Variants in SDK1 observed in about 807,000 individuals in gnomAD.
The protein encoded by SDK1 is sidekick cell adhesion molecule 1.
Under a neutral mutation model 245.5 loss-of-function variants are expected in SDK1, and 157 were observed. The ratio of observed to expected loss-of-function variants is 0.64; its 90% CI spans 0.56 to 0.73. The LOEUF (loss-of-function observed/expected upper bound fraction) is 0.73. Among genes scored for constraint, SDK1 ranks in the 30% least tolerant of loss-of-function variants. The pLI is 0.00. For missense variants in SDK1, 3,583 were observed against 3,002.3 expected (o/e 1.19, Z -4.52); for synonymous variants, 1,647 against 1,278.5 (o/e 1.29, Z -6.15).
At chr7:4,123,916 G>A (rs538902484) in intron 25 of SDK1, among the ~76,000 whole-genome samples, 11 of 152,310 alleles carry the variant, frequency 7.2e-5, no homozygotes, top group East Asian at 3.9e-4. Flanking sequence ...ATCAGGGAGC[G>A]TGCCCCTTCC....
intron 28 of SDK1, among the ~76,000 whole-genome samples, chr7:4,142,390 G>A (rs949164028): frequency 3.9e-5 from 6 of 152,010 alleles, no homozygotes; most frequent in South Asian, 2.1e-4. Flanking sequence ...GTGCAGTGAC[G>A]TGATCTCGGC....
At chr7:3,954,775 G>A (rs1435466500) in intron 7 of SDK1, among the ~76,000 whole-genome samples, 1 of 151,002 alleles carries the variant, frequency 6.6e-6, no homozygotes, top group African/African-American at 2.4e-5. Context: ...CTCATATTGT[G>A]AAGGTTAAAT....
chr7:4,244,538 A>G (rs1393718705), intron 43 of SDK1, among the ~76,000 whole-genome samples: 1 of 152,232 alleles, frequency 6.6e-6, no homozygotes, highest in Non-Finnish European at 1.5e-5. Flanking sequence ...GATAGTCACC[A>G]GGAAGTGGGG....
chr7:4,195,446 C>T (rs923382533), intron 35 of SDK1, among the ~76,000 whole-genome samples: 2 of 152,154 alleles, frequency 1.3e-5, no homozygotes, highest in East Asian at 1.9e-4. Flanking sequence ...CCCTCCCCCA[C>T]GTCACTCTCC....
At chr7:3,490,958 T>A (rs1028696471) in intron 1 of SDK1, among the ~76,000 whole-genome samples, 1 of 152,224 alleles carries the variant, frequency 6.6e-6, no homozygotes, top group Non-Finnish European at 1.5e-5. Context: ...GTAACATTCA[T>A]CCCAATTGCA....
intron 1 of SDK1, among the ~76,000 whole-genome samples, chr7:3,336,829 A>C (rs1780213715): frequency 6.6e-6 from 1 of 152,224 alleles, no homozygotes; most frequent in Admixed American, 6.5e-5. Context: ...ATCTGTCTGC[A>C]ACAAGGCAAT....
At chr7:3,988,345 A>T (rs531820000) in intron 14 of SDK1, among the ~76,000 whole-genome samples, 1 of 151,196 alleles carries the variant, frequency 6.6e-6, no homozygotes, top group African/African-American at 2.4e-5. Flanking sequence ...TCTGCCTCAG[A>T]CCACTGGTAC....
intron 2 of SDK1, among the ~76,000 whole-genome samples, chr7:3,635,388 A>T (rs1334725223): frequency 6.6e-6 from 1 of 152,188 alleles, no homozygotes; most frequent in African/African-American, 2.4e-5. Flanking sequence ...GTGTTGTCCA[A>T]ATGTTTTAGT....
In SDK1 at chr7:4,049,420, C is replaced by G; in HGVS notation, c.2675C>G (p.Pro892Arg). Reference sequence around the variant, plus strand: ...ACCACCATTCAGTTCCTGTGGAACCCTCCGCCTCAGCAGTTTATCAATGGC... The same window carrying G: ...ACCACCATTCAGTTCCTGTGGAACCGTCCGCCTCAGCAGTTTATCAATGGC... ...NSTTIQFLWN[P>R]PPQQFINGIN... Residue 892 changes from proline to arginine, a missense_variant, in exon 18 of 45, where the codon CCT (proline) becomes CGT (arginine). Pro to Arg is a moderately radical substitution (Grantham distance 103). Coordinates refer to ENST00000404826, the MANE Select transcript of SDK1 (RefSeq NM_152744.4). 1 of 1,614,162 alleles carries G rather than the reference C, an allele frequency of 6.2e-7. No individual in the cohort carries two copies. The highest frequency in any genetic ancestry group is 2.2e-5 in the East Asian group (1 of 44,880).
chr7:4,197,450 T>C (rs1012604690), intron 35 of SDK1, among the ~76,000 whole-genome samples: 1 of 152,102 alleles, frequency 6.6e-6, no homozygotes, highest in African/African-American at 2.4e-5. Context: ...ATGGTGCCAC[T>C]GCACTCCAGT....
At chr7:3,345,973 A>G (rs1187462126) in intron 1 of SDK1, among the ~76,000 whole-genome samples, 2 of 152,278 alleles carry the variant, frequency 1.3e-5, no homozygotes, top group African/African-American at 2.4e-5. Flanking sequence ...TTTAAGCATA[A>G]TAATTAAAAC....
intron 1 of SDK1, among the ~76,000 whole-genome samples, chr7:3,370,580 T>C (rs566273410): frequency 1.3e-5 from 2 of 152,322 alleles, no homozygotes; most frequent in South Asian, 2.1e-4. Flanking sequence ...GGGCCCGATA[T>C]ACCGCTTCCA....
chr7:4,155,774 G>C (rs1780691498), intron 30 of SDK1, among the ~76,000 whole-genome samples: 1 of 152,146 alleles, frequency 6.6e-6, no homozygotes. Flanking sequence ...TCCACCCATA[G>C]ATCTGAGCAC....
chr7:3,680,538 G>A lies in SDK1; in HGVS notation c.713+38433G>A, dbSNP rs145487881. On this transcript the variant is annotated intron_variant, in intron 4 of 44. Coordinates refer to ENST00000404826, the MANE Select transcript of SDK1 (RefSeq NM_152744.4). ...CAATGACTATGCAGGTTTTGATATT[G>A]TACCATAGTTACATAAGGTTTTACT... is the stretch of plus-strand genomic sequence containing the variant. 1.4e-4 allele frequency among the ~76,000 whole-genome samples: 21 copies of A among 152,280 alleles called. No homozygotes were observed. In the East Asian group the frequency reaches 3.9e-3, roughly 28 times the overall value.
chr7:3,502,941 T>C (rs17133481), intron 1 of SDK1, among the ~76,000 whole-genome samples: 4,890 of 152,292 alleles, frequency 0.032, 280 homozygotes, highest in African/African-American at 0.11. Flanking sequence ...GATTTTGATA[T>C]TATAGGGATT....
intron 1 of SDK1, among the ~76,000 whole-genome samples, chr7:3,531,047 T>C (rs2128617919): frequency 6.6e-6 from 1 of 152,346 alleles, no homozygotes; most frequent in South Asian, 2.1e-4. Flanking sequence ...ATAACTCTGC[T>C]TCATATACCA....
At chr7:4,012,537 T>C (rs1041671843) in intron 16 of SDK1, among the ~76,000 whole-genome samples, 2 of 143,758 alleles carry the variant, frequency 1.4e-5, no homozygotes, top group Admixed American at 7.1e-5. Context: ...AGGTATATTG[T>C]TCAATGTGAA....
At chr7:3,961,364 A>C (rs1371262987) in intron 8 of SDK1, among the ~76,000 whole-genome samples, 5 of 152,242 alleles carry the variant, frequency 3.3e-5, no homozygotes. Context: ...GGAAGACATT[A>C]TCTTGAGTTA....
At chr7:4,182,054 G>A (rs571062684) in intron 35 of SDK1, among the ~76,000 whole-genome samples, 234 of 152,272 alleles carry the variant, frequency 1.5e-3, no homozygotes, top group African/African-American at 5.2e-3. Flanking sequence ...TGAGTAGCTG[G>A]GATTACAGGC....
Sources: allele counts gnomAD v4.1 joint callset (sites outside exome capture counted in the v4.1 genomes callset), GRCh38; gene constraint gnomAD v4.1.1; transcripts MANE v1.5; gene names NCBI Gene and HGNC (gene_info 2026-07-23, HGNC 2026-07-21).